Variants in ZFP82 observed in about 807,000 individuals in gnomAD.
The protein encoded by ZFP82 is ZFP82 zinc finger protein.
A neutral mutation model predicts 54.0 loss-of-function variants in ZFP82; 30 were observed. The ratio of observed to expected loss-of-function variants is 0.56; its 90% CI spans 0.42 to 0.75. The LOEUF is 0.75. Among genes scored for constraint, ZFP82 ranks in the 30% least tolerant of loss-of-function variants. ZFP82 has a pLI of 0.00. For synonymous variants in ZFP82, 194 were observed against 209.5 expected (o/e 0.93, Z 0.64); for missense variants, 500 against 636.8 (o/e 0.79, Z 2.31).
rs994155028 is a variant in ZFP82, at chr19:36,390,433, T to C, written c.*2308A>G. 4 of 152,036 alleles carry C rather than the reference T, an allele frequency of 2.6e-5. No individual in the cohort carries two copies. Among genetic ancestry groups the C allele is most frequent in the African/African-American group, 9.7e-5 (4 of 41,390 alleles). The allele number at this position is 152,036 out of a possible 1,614,324, so 9.4% of individuals were successfully genotyped here. A position where few individuals can be genotyped will look rare whatever the true frequency, so the allele number is the denominator to read the frequency against. Reference sequence around the variant, plus strand: ...TTTGGTTGTTTGCTTCTTTGTGTTGTTAATTTGTTCTTTTATTCCCCATGT... The same window carrying C: ...TTTGGTTGTTTGCTTCTTTGTGTTGCTAATTTGTTCTTTTATTCCCCATGT... On this transcript the variant is annotated 3_prime_UTR_variant, in exon 5 of 5. Coordinates refer to ENST00000392161, the MANE Select transcript of ZFP82 (RefSeq NM_133466.4).
chr19:36,396,341 A>G (rs1292440126), intron 4 of ZFP82, among the ~76,000 whole-genome samples: 1 of 152,032 alleles, frequency 6.6e-6, no homozygotes, highest in East Asian at 1.9e-4. Context: ...ACATGGCAAG[A>G]CCTCATCTCT....
chr19:36,416,973 T>TGAGGTATAAGAATCGCTTGAACCACGGA (rs137900210), intron 1 of ZFP82, among the ~76,000 whole-genome samples: 22,459 of 142,630 alleles, frequency 0.16, 1,929 homozygotes, highest in Non-Finnish European at 0.2. Flanking sequence ...CTTGGGAGGC[T>TGAGGTATAAGAATCGCTTGAACCACGGA]GAGGTATAAG....
intron 1 of ZFP82, among the ~76,000 whole-genome samples, chr19:36,415,228 A>G (rs1222190656): frequency 1.3e-5 from 2 of 152,226 alleles, no homozygotes; most frequent in Non-Finnish European, 2.9e-5. Context: ...GTGCACAGAA[A>G]AAAATGGAAA....
intron 4 of ZFP82, 69 bp from the exon 5 acceptor site, chr19:36,394,179 G>T: frequency 1.5e-6 from 2 of 1,347,610 alleles, no homozygotes; most frequent in Non-Finnish European, 2.0e-6. Context: ...TTCTAATGTA[G>T]AAATAAAAGA....
rs1276071546 is a variant in ZFP82, at chr19:36,407,874, C to T, written c.136+13G>A. The T allele has an allele frequency of 6.2e-7, 1 of 1,612,398 alleles. No homozygotes were observed. The highest frequency in any genetic ancestry group is 2.2e-5 in the East Asian group (1 of 44,850). ...AGAACACAGTCTAAATTCCTAGAAG[C>T]AGATAACCTTACCCAGTGAGACCAA... On this transcript the variant is annotated intron_variant, in intron 3 of 4. Transcript: ENST00000392161.
rs2032223093 is a variant in ZFP82, at chr19:36,392,755, T to G, written c.1585A>C (p.Asn529His). 1 of 1,560,390 alleles carries G rather than the reference T, an allele frequency of 6.4e-7. No homozygotes were observed. The highest frequency in any genetic ancestry group is 2.2e-5 in the East Asian group (1 of 44,552). The change falls in exon 5 of 5, where the codon AAT (asparagine) becomes CAT (histidine). Residue 529 changes from asparagine (N) to histidine (H), a missense_variant. Physicochemically the swap from Asn to His is moderately conservative, Grantham distance 68. Transcript: ENST00000392161. The part of the protein sequence containing the change: ...SHLTHHLKIH[N>H]VKI ...AAAAGACTTTCTTAGATTTTTACAT[T>G]ATGAATTTTCAGATGATGAGTAAGG...
Position 36,409,410 on chromosome 19 carries a change from G to A in ZFP82, c.9+371C>T, listed in dbSNP as rs1331613761. Among the ~76,000 whole-genome samples, 3 of 152,042 alleles carry A rather than the reference G, an allele frequency of 2.0e-5. No individual in the cohort carries two copies. The East Asian group carries it at 5.8e-4, about 29-fold the overall frequency. ...ACCTCCTGAACAGGAGGGATTACAG[G>A]TGCAAGCCACCATGCCCAGCCACGA... On this transcript the variant is annotated intron_variant, in intron 2 of 4. Coordinates refer to ENST00000392161, the MANE Select transcript of ZFP82 (RefSeq NM_133466.4).
At chr19:36,394,204 C>T (rs1468821663) in intron 4 of ZFP82, 94 bp from the exon 5 acceptor site, 71 of 1,170,026 alleles carry the variant, frequency 6.1e-5, no homozygotes, top group Non-Finnish European at 7.9e-5. Flanking sequence ...AAAAGTAATC[C>T]TTAACCAAAA....
chr19:36,387,469 C>CCT (rs886236775), downstream of ZFP82, among the ~76,000 whole-genome samples: 7 of 151,898 alleles, frequency 4.6e-5, no homozygotes, highest in South Asian at 1.5e-3. Flanking sequence ...TCCCTCTTGC[C>CCT]CTCTCTCTCT....
intron 3 of ZFP82, among the ~76,000 whole-genome samples, chr19:36,406,854 T>C (rs1043163493): frequency 6.6e-6 from 1 of 152,144 alleles, no homozygotes; most frequent in African/African-American, 2.4e-5. Context: ...TAGGCTACAA[T>C]GTGATGTTTT....
chr19:36,407,031 G>A (rs1185340011), intron 3 of ZFP82, among the ~76,000 whole-genome samples: 1 of 149,736 alleles, frequency 6.7e-6, no homozygotes, highest in African/African-American at 2.5e-5. Flanking sequence ...TCATCTTGCT[G>A]TGCAATAAAA....
chr19:36,386,946 TTAA>T (rs1445866859), downstream of ZFP82, among the ~76,000 whole-genome samples: 1 of 151,624 alleles, frequency 6.6e-6, no homozygotes, highest in Non-Finnish European at 1.5e-5. Context: ...AAAAAAAGAG[TTAA>T]TGTTGTTTGC....
At chr19:36,395,157 T>C (rs1055969969) in intron 4 of ZFP82, 4 of 152,252 alleles carry the variant, frequency 2.6e-5, no homozygotes, top group Non-Finnish European at 5.9e-5. Context: ...TGCCTTTACC[T>C]ATGCAGTGCA....
At chr19:36,397,375 G>T (rs747432305) in intron 4 of ZFP82, among the ~76,000 whole-genome samples, 22 of 151,654 alleles carry the variant, frequency 1.5e-4, no homozygotes, top group Non-Finnish European at 3.1e-4. Context: ...TTACAGGCGT[G>T]AGCCACCGCG....
intron 4 of ZFP82, among the ~76,000 whole-genome samples, chr19:36,398,767 C>T (rs2032338496): frequency 6.6e-6 from 1 of 152,100 alleles, no homozygotes; most frequent in African/African-American, 2.4e-5. Context: ...CTCACTGCCG[C>T]CTCTAACTCG....
chr19:36,385,821 T>A (rs1034483519), downstream of ZFP82, among the ~76,000 whole-genome samples: 2 of 152,200 alleles, frequency 1.3e-5, no homozygotes, highest in Non-Finnish European at 2.9e-5. Flanking sequence ...AGCAATGAAC[T>A]AATATGTGGT....
At chr19:36,413,452 C>G (rs763466499) in intron 1 of ZFP82, among the ~76,000 whole-genome samples, 32 of 152,020 alleles carry the variant, frequency 2.1e-4, no homozygotes, top group Non-Finnish European at 4.3e-4. Context: ...AATCAAATAC[C>G]TAACAGTAGG....
rs1600108984 is a variant in ZFP82 at position 36,409,886 on chromosome 19, G to C, written c.-78-19C>G. Reference sequence around the variant, plus strand: ...GGCTGATCTAGGGAGAGGAAAACAAGGCCATGAGATCAGATGGACCTCAGA... The same window carrying C: ...GGCTGATCTAGGGAGAGGAAAACAACGCCATGAGATCAGATGGACCTCAGA... On this transcript the variant is annotated intron_variant, in intron 1 of 4. Transcript: ENST00000392161. The C allele has an allele frequency of 7.5e-7, 1 of 1,332,542 alleles. No homozygotes were observed. The allele number at this position is 1,332,542 out of a possible 1,614,324, so 82.5% of individuals were successfully genotyped here.
At chr19:36,387,639 T>A (rs780077625), downstream of ZFP82, among the ~76,000 whole-genome samples, 19 of 152,204 alleles carry the variant, frequency 1.2e-4, no homozygotes, top group Non-Finnish European at 2.2e-4. Context: ...TTTCTTGAGA[T>A]GGAGTTTTGC....
Sources: gnomAD v4.1 joint callset for allele counts (sites outside exome capture counted in the v4.1 genomes callset) on GRCh38, gnomAD v4.1.1 for gene constraint, MANE v1.5 for transcripts, NCBI Gene and HGNC (gene_info 2026-07-23, HGNC 2026-07-21) for gene names.